ICA1L: variants seen among roughly 807,000 people sequenced by gnomAD.
The protein encoded by ICA1L is islet cell autoantigen 1 like.
In ICA1L, 50 loss-of-function variants were observed where a neutral mutation model predicts 61.3. That is an observed-to-expected ratio of 0.82 (90% CI 0.65 to 1.03). The LOEUF (loss-of-function observed/expected upper bound fraction) is 1.03. Ranked by LOEUF, ICA1L falls within the 50% of genes least tolerant of loss-of-function variation. The probability of loss-of-function intolerance (pLI) is 0.00; values close to 1 mark genes in which losing one functional copy is unlikely to be tolerated. For synonymous variants in ICA1L, 161 were observed against 191.3 expected (o/e 0.84, Z 1.31); for missense variants, 508 against 556.7 (o/e 0.91, Z 0.88).
chr2:202,850,893 G>C (rs1292199429), intron 1 of ICA1L, among the ~76,000 whole-genome samples: 1 of 152,140 alleles, frequency 6.6e-6, no homozygotes, highest in Non-Finnish European at 1.5e-5. Context: ...AAGAGAGAAA[G>C]GTCAGGTTAC....
intron 5 of ICA1L, among the ~76,000 whole-genome samples, chr2:202,818,589 A>G (rs1034630243): frequency 8.5e-5 from 13 of 152,158 alleles, no homozygotes; most frequent in African/African-American, 3.1e-4. Context: ...CCAGTGAGAG[A>G]TAACTGAATC....
intron 1 of ICA1L, among the ~76,000 whole-genome samples, chr2:202,869,879 T>G (rs1474660628): frequency 6.6e-6 from 1 of 151,994 alleles, no homozygotes; most frequent in Non-Finnish European, 1.5e-5. Flanking sequence ...AATTTTGATT[T>G]CCGAAAAAAA....
chr2:202,813,578 G>A (rs1050323374), intron 8 of ICA1L, among the ~76,000 whole-genome samples: 4 of 152,198 alleles, frequency 2.6e-5, no homozygotes, highest in Non-Finnish European at 5.9e-5. Flanking sequence ...GAAGGTCAAA[G>A]GGGAAGTGGA....
At chr2:202,851,135 A>G (rs562841645) in intron 1 of ICA1L, among the ~76,000 whole-genome samples, 3 of 151,784 alleles carry the variant, frequency 2.0e-5, no homozygotes, top group African/African-American at 4.8e-5. Context: ...AGCATTAGGT[A>G]TATCTCCTAA....
chr2:202,808,275 C>T (rs1324374070), intron 9 of ICA1L, among the ~76,000 whole-genome samples: 1 of 152,160 alleles, frequency 6.6e-6, no homozygotes, highest in Non-Finnish European at 1.5e-5. Context: ...AAAATGGCAG[C>T]ATTCACCACA....
chr2:202,809,581 C>T (rs951174797), intron 9 of ICA1L, among the ~76,000 whole-genome samples: 7 of 151,538 alleles, frequency 4.6e-5, no homozygotes, highest in Admixed American at 2.0e-4. Context: ...ACCTGGGAGG[C>T]GGAGGTTGCC....
At chr2:202,829,138 T>C (rs200248921) in intron 1 of ICA1L, 122 bp from the exon 2 acceptor site, 4 of 658,942 alleles carry the variant, frequency 6.1e-6, no homozygotes, top group African/African-American at 3.8e-5. Flanking sequence ...CACGCGGTCA[T>C]GAGATCGAGA....
rs1179460770 is a variant in ICA1L at position 202,800,936 on chromosome 2, A to G, written c.911-3972T>C. Among the ~76,000 whole-genome samples, 3 of 152,354 alleles carry G rather than the reference A, an allele frequency of 2.0e-5. No individual in the cohort carries two copies. The Middle Eastern group carries it at 0.01, about 518-fold the overall frequency. On this transcript the variant is annotated intron_variant, in intron 9 of 12. Transcript: ENST00000358299. ...TGAATTAGATTTTAAGTTCAGATAC[A>G]TAATATAAAAATGTTAGAAATGTAC...
chr2:202,782,168 A>G (rs555809089), intron 12 of ICA1L, among the ~76,000 whole-genome samples: 1 of 152,132 alleles, frequency 6.6e-6, no homozygotes, highest in East Asian at 2.0e-4. Context: ...CAACATGGTG[A>G]AAACCCGTCC....
intron 9 of ICA1L, among the ~76,000 whole-genome samples, chr2:202,803,862 TA>T (rs1189131249): frequency 1.3e-5 from 2 of 152,152 alleles, no homozygotes; most frequent in African/African-American, 4.8e-5. Flanking sequence ...AGGGTCACTA[TA>T]TAACAATAAA....
At chr2:202,820,061 G>A in intron 4 of ICA1L, 162 bp from the exon 5 acceptor site, 1 of 615,840 alleles carries the variant, frequency 1.6e-6, no homozygotes, top group Non-Finnish European at 2.8e-6. Context: ...GGATCATATA[G>A]CCAACTCTGA....
intron 9 of ICA1L, among the ~76,000 whole-genome samples, chr2:202,810,786 A>G (rs1646266583): frequency 6.6e-6 from 1 of 152,140 alleles, no homozygotes; most frequent in African/African-American, 2.4e-5. Context: ...TGTGTCCTTG[A>G]GGGTGGCCTC....
chr2:202,843,705 A>G (rs1470079722), intron 1 of ICA1L, among the ~76,000 whole-genome samples: 7 of 152,216 alleles, frequency 4.6e-5, no homozygotes, highest in Non-Finnish European at 7.3e-5. Context: ...TTAAACAGCT[A>G]AGAGAACTGA....
At chr2:202,810,318 A>C (rs530015587) in intron 9 of ICA1L, among the ~76,000 whole-genome samples, 83 of 152,374 alleles carry the variant, frequency 5.4e-4, no homozygotes, top group Non-Finnish European at 1.1e-3. Flanking sequence ...ATGGCAGAAG[A>C]AGATTTCATG....
intron 1 of ICA1L, chr2:202,870,930 C>T (rs1687686572): frequency 6.6e-6 from 1 of 152,210 alleles, no homozygotes; most frequent in African/African-American, 2.4e-5. Flanking sequence ...CTGACATCAC[C>T]TGGGCACCTG....
At chr2:202,809,505 T>G (rs10931999) in intron 9 of ICA1L, among the ~76,000 whole-genome samples, 125,157 of 151,870 alleles carry the variant, frequency 0.82, 51,954 homozygotes, top group Middle Eastern at 0.88. Flanking sequence ...AAAATTAACC[T>G]GGCATGGTAG....
chr2:202,840,036 T>G (rs979752384), intron 1 of ICA1L, among the ~76,000 whole-genome samples: 1 of 151,436 alleles, frequency 6.6e-6, no homozygotes, highest in African/African-American at 2.4e-5. Context: ...CCTTAATAAA[T>G]TATTGTAGCC....
chr2:202,811,925 AATCTAT>A, intron 8 of ICA1L, 136 bp from the exon 9 acceptor site: 1 of 689,902 alleles, frequency 1.4e-6, no homozygotes, highest in Non-Finnish European at 2.6e-6. Flanking sequence ...GATCCCCTAA[AATCTAT>A]ATCTGGTGAA....
In ICA1L at chr2:202,774,219, C is replaced by G; in HGVS notation, c.*5314G>C. On this transcript the variant is annotated 3_prime_UTR_variant, in exon 13 of 13. Transcript: ENST00000358299. ...AACTCCAGCAGCGCCGGATCGAAGG[C>G]GCGGGGCGGCTCCTGAGTCTTCTCG... is the stretch of plus-strand genomic sequence containing the variant. 4 of 1,550,214 alleles carry G rather than the reference C, an allele frequency of 2.6e-6. No homozygotes were observed. The Admixed American group carries it at 5.9e-5, about 23-fold the overall frequency.
Sources: gnomAD v4.1 joint callset for allele counts (sites outside exome capture counted in the v4.1 genomes callset) on GRCh38, gnomAD v4.1.1 for gene constraint, MANE v1.5 for transcripts, NCBI Gene and HGNC (gene_info 2026-07-23, HGNC 2026-07-21) for gene names.